SLC35F3: variants seen among roughly 807,000 people sequenced by gnomAD.
The protein encoded by SLC35F3 is solute carrier family 35 member F3.
Under a neutral mutation model 49.9 loss-of-function variants are expected in SLC35F3, and 25 were observed. That is an observed-to-expected ratio of 0.50 (90% confidence interval 0.37 to 0.70). The LOEUF is 0.70. Ranked by LOEUF, SLC35F3 falls within the 30% of genes least tolerant of loss-of-function variation. The pLI is 0.00. For missense variants in SLC35F3, 525 were observed against 639.8 expected (o/e 0.82, Z 1.94); for synonymous variants, 275 against 265.4 (o/e 1.04, Z -0.35).
At chr1:233,923,238 C>A (rs1460433221) in intron 2 of SLC35F3, among the ~76,000 whole-genome samples, 1 of 152,098 alleles carries the variant, frequency 6.6e-6, no homozygotes, top group Non-Finnish European at 1.5e-5. Flanking sequence ...TTACCTTGGG[C>A]AGTATGGCCA....
Position 234,231,694 on chromosome 1 carries a change from G to A in SLC35F3, c.561G>A (p.Gly187=), listed in dbSNP as rs1667379649. The change falls in exon 3 of 8, where the codon GGG becomes GGA. Residue 187 remains glycine, a synonymous_variant. Transcript: ENST00000366618. The surrounding 1 kb of genome is among the most constrained non-coding windows in gnomAD (Gnocchi z 5.4). ...NFLFFPLYYV[G]HVCKSTEKQS... ...TATTCTTCCCGTTGTACTACGTGGGGCACGTCTGCAAGTCCACAGAGAAGC... is the reference window on the plus strand; with the variant it reads ...TATTCTTCCCGTTGTACTACGTGGGACACGTCTGCAAGTCCACAGAGAAGC... The A allele has an allele frequency of 6.2e-7, 1 of 1,613,886 alleles. No homozygotes were observed. The highest frequency in any genetic ancestry group is 1.1e-5 in the South Asian group (1 of 91,052).
At chr1:234,101,555 C>T (rs921156336) in intron 2 of SLC35F3, among the ~76,000 whole-genome samples, 11 of 152,130 alleles carry the variant, frequency 7.2e-5, no homozygotes, top group Non-Finnish European at 1.5e-4. Context: ...ATTGGATTGT[C>T]GTGAGGATTA....
chr1:234,066,732 T>G (rs2102865331), intron 2 of SLC35F3, among the ~76,000 whole-genome samples: 1 of 150,268 alleles, frequency 6.7e-6, no homozygotes, highest in East Asian at 2.0e-4. Flanking sequence ...TTTCCCTCCC[T>G]CCCTTTCTCT....
intron 2 of SLC35F3, among the ~76,000 whole-genome samples, chr1:233,929,935 T>C (rs1662215874): frequency 6.6e-6 from 1 of 152,128 alleles, no homozygotes; most frequent in Admixed American, 6.5e-5. Context: ...ATAGAGCAGA[T>C]GGAATCAATC....
intron 3 of SLC35F3, among the ~76,000 whole-genome samples, chr1:234,238,905 T>G (rs908353730): frequency 1.3e-5 from 2 of 152,250 alleles, no homozygotes; most frequent in Admixed American, 6.5e-5. Context: ...TCTTATAACC[T>G]TATAATTCCA....
At chr1:233,936,774 G>A (rs1333407735) in intron 2 of SLC35F3, among the ~76,000 whole-genome samples, 1 of 151,892 alleles carries the variant, frequency 6.6e-6, no homozygotes, top group African/African-American at 2.4e-5. Flanking sequence ...CTGCAGCCTT[G>A]ACCTCCCAGG....
chr1:234,241,021 T>C (rs1267658812), intron 3 of SLC35F3, among the ~76,000 whole-genome samples: 1 of 152,268 alleles, frequency 6.6e-6, no homozygotes, highest in Non-Finnish European at 1.5e-5. Context: ...AAGCTCTTGA[T>C]GCTTTTTATT....
chr1:233,987,739 A>G (rs943466610), intron 2 of SLC35F3, among the ~76,000 whole-genome samples: 7 of 152,014 alleles, frequency 4.6e-5, no homozygotes, highest in Non-Finnish European at 5.9e-5. Flanking sequence ...CTCTCTCTGG[A>G]CCACCTGTTA....
At chr1:234,289,932 A>T (rs1025421673) in intron 3 of SLC35F3, among the ~76,000 whole-genome samples, 1 of 152,268 alleles carries the variant, frequency 6.6e-6, no homozygotes, top group Non-Finnish European at 1.5e-5. Context: ...CTGCTGCACA[A>T]ACCAAAAGAG....
chr1:233,999,150 G>A (rs79719962), intron 2 of SLC35F3, among the ~76,000 whole-genome samples: 3,043 of 152,258 alleles, frequency 0.02, 84 homozygotes, highest in African/African-American at 0.067. Flanking sequence ...ATGCAACCCA[G>A]GGTATCCCCT....
intron 2 of SLC35F3, among the ~76,000 whole-genome samples, chr1:234,082,319 A>C (rs1664890409): frequency 6.6e-6 from 1 of 152,172 alleles, no homozygotes; most frequent in Non-Finnish European, 1.5e-5. Context: ...AATCTCTGTA[A>C]ATGCCACTAC....
At chr1:233,999,617 T>C (rs1663518430) in intron 2 of SLC35F3, among the ~76,000 whole-genome samples, 1 of 152,088 alleles carries the variant, frequency 6.6e-6, no homozygotes, top group Admixed American at 6.6e-5. Flanking sequence ...TGCCTCCACT[T>C]ATCCCTTCCG....
rs200582264 is a variant in SLC35F3 at position 234,020,075 on chromosome 1, CTA to C, written c.283+114319_283+114320del. Among the ~76,000 whole-genome samples, 595 of 152,144 alleles carry C rather than the reference CTA, an allele frequency of 3.9e-3. 21 individuals carry two copies. In the East Asian group the frequency reaches 0.099, roughly 25 times the overall value. On this transcript the variant is annotated intron_variant, in intron 2 of 7. Coordinates refer to ENST00000366618, the MANE Select transcript of SLC35F3 (RefSeq NM_173508.4). ...AGACAACAGGGTTGAAAATGAGACT[CTA>C]TGTTACTAGGGCATCCCAAAGCCAT...
chr1:234,275,137 G>T (rs74671971), intron 3 of SLC35F3, among the ~76,000 whole-genome samples: 1 of 152,042 alleles, frequency 6.6e-6, no homozygotes, highest in African/African-American at 2.4e-5. Flanking sequence ...ATTTCACACC[G>T]GACCTCATTT....
At chr1:233,929,504 A>G (rs11811551) in intron 2 of SLC35F3, among the ~76,000 whole-genome samples, 49,937 of 152,128 alleles carry the variant, frequency 0.33, 8,977 homozygotes, top group Middle Eastern at 0.44. Context: ...GGACACACAT[A>G]ATAAAATAGT....
intron 3 of SLC35F3, among the ~76,000 whole-genome samples, chr1:234,247,794 G>C (rs1413038693): frequency 1.8e-5 from 1 of 55,366 alleles, no homozygotes; most frequent in East Asian, 6.2e-4. Flanking sequence ...TCAGTGGGTT[G>C]GTTGGCTGGT....
chr1:234,033,304 G>C (rs1210645995), intron 2 of SLC35F3, among the ~76,000 whole-genome samples: 1 of 152,164 alleles, frequency 6.6e-6, no homozygotes, highest in Non-Finnish European at 1.5e-5. Flanking sequence ...CACTCTGTGG[G>C]TTGTCTGTTT....
At chr1:234,073,313 T>TA (rs962309003) in intron 2 of SLC35F3, among the ~76,000 whole-genome samples, 9 of 151,866 alleles carry the variant, frequency 5.9e-5, no homozygotes, top group South Asian at 2.1e-4. Context: ...CTGGCTAATT[T>TA]AAAAAAAAAT....
intron 2 of SLC35F3, among the ~76,000 whole-genome samples, chr1:233,940,971 C>T (rs1466098788): frequency 6.6e-6 from 1 of 152,210 alleles, no homozygotes; most frequent in African/African-American, 2.4e-5. Context: ...CCTACTTCCT[C>T]ATGTAGTGGA....
Sources: gnomAD v4.1 joint callset for allele counts (sites outside exome capture counted in the v4.1 genomes callset) on GRCh38, gnomAD v4.1.1 for gene constraint, Gnocchi (gnomAD v3.1) non-coding constraint, MANE v1.5 for transcripts, NCBI Gene and HGNC (gene_info 2026-07-23, HGNC 2026-07-21) for gene names.